TNFRSF13B: variants seen among roughly 807,000 people sequenced by gnomAD.
The protein encoded by TNFRSF13B is tumor necrosis factor receptor superfamily member 13B.
A neutral mutation model predicts 24.0 loss-of-function variants in TNFRSF13B; 34 were observed. That is an observed-to-expected ratio of 1.41 (90% CI 1.08 to 1.88). The LOEUF (loss-of-function observed/expected upper bound fraction) is 1.88, where lower values mean the gene tolerates loss of function less well. Among genes scored for constraint, TNFRSF13B ranks in the 40% most tolerant of loss-of-function variants. TNFRSF13B has a pLI of 0.00. For missense variants in TNFRSF13B, 415 were observed against 380.8 expected (o/e 1.09, Z -0.75); for synonymous variants, 173 against 150.3 (o/e 1.15, Z -1.10).
At chr17:16,966,360 G>A (rs1334688231) in intron 1 of TNFRSF13B, among the ~76,000 whole-genome samples, 4 of 151,402 alleles carry the variant, frequency 2.6e-5, no homozygotes, top group Non-Finnish European at 4.4e-5. Flanking sequence ...TGAAAAACAG[G>A]CACAAAACCT....
intron 2 of TNFRSF13B, among the ~76,000 whole-genome samples, chr17:16,950,784 G>T (rs1002996401): frequency 2.0e-5 from 3 of 151,888 alleles, no homozygotes; most frequent in African/African-American, 7.3e-5. Flanking sequence ...CCCCGCCTGG[G>T]ACTCAGTCCT....
intron 1 of TNFRSF13B, among the ~76,000 whole-genome samples, chr17:16,958,141 C>T (rs142865968): frequency 2.0e-5 from 3 of 151,904 alleles, no homozygotes; most frequent in African/African-American, 7.2e-5. Context: ...GCTCTTATGA[C>T]CTACCGAAAC....
Position 16,948,910 on chromosome 17 carries a change from G to A in TNFRSF13B, c.273C>T (p.Ser91=). Residue 91 remains serine, a synonymous_variant, in exon 3 of 5, where the codon TCC becomes TCT. Coordinates refer to ENST00000261652, the MANE Select transcript of TNFRSF13B (RefSeq NM_012452.3). ...HLLRDCISCA[S]ICGQHPKQCA... is the part of the protein sequence containing the mutation. The stretch of plus-strand genomic sequence containing the variant: ...ATTGCTTAGGGTGCTGTCCACAGAT[G>A]GAGGCACAGCTGATGCAGTCCCTCA... The A allele has an allele frequency of 6.2e-7, 1 of 1,614,216 alleles. No individual in the cohort carries two copies. Among genetic ancestry groups the A allele is most frequent in the Non-Finnish European group, 8.5e-7 (1 of 1,180,046 alleles).
chr17:16,953,226 C>A (rs536804578), intron 1 of TNFRSF13B, among the ~76,000 whole-genome samples: 1 of 152,328 alleles, frequency 6.6e-6, no homozygotes, highest in Middle Eastern at 3.4e-3. Flanking sequence ...GTACTTAGGA[C>A]ACAGCACCTG....
intron 1 of TNFRSF13B, among the ~76,000 whole-genome samples, chr17:16,964,120 G>T (rs2087682847): frequency 6.6e-6 from 1 of 151,898 alleles, no homozygotes; most frequent in African/African-American, 2.4e-5. Context: ...AGGAGAAGAA[G>T]GGAAAAAGAA....
intron 3 of TNFRSF13B, among the ~76,000 whole-genome samples, chr17:16,947,731 C>T (rs949447818): frequency 1.4e-4 from 22 of 152,170 alleles, no homozygotes; most frequent in Non-Finnish European, 3.1e-4. Context: ...GAAAAGGGAA[C>T]GCTTATACGC....
chr17:16,940,855 T>C, intron 3 of TNFRSF13B: 1 of 1,215,030 alleles, frequency 8.2e-7, no homozygotes, highest in South Asian at 1.8e-5. Flanking sequence ...AGCATGTCTC[T>C]GTGCATCCTG....
intron 1 of TNFRSF13B, among the ~76,000 whole-genome samples, chr17:16,963,394 G>T (rs1304191954): frequency 6.6e-6 from 1 of 152,200 alleles, no homozygotes; most frequent in African/African-American, 2.4e-5. Flanking sequence ...CTGTGCAGGA[G>T]TGAAGGAGCA....
chr17:16,941,528 C>T, intron 3 of TNFRSF13B: 5 of 987,600 alleles, frequency 5.1e-6, no homozygotes, highest in Non-Finnish European at 4.8e-6. Context: ...TCAAGAAGAG[C>T]GAGTCCCACT....
chr17:16,968,671 G>A (rs768028651), intron 1 of TNFRSF13B, among the ~76,000 whole-genome samples: 7 of 152,214 alleles, frequency 4.6e-5, no homozygotes, highest in South Asian at 2.1e-4. Context: ...CCAAATGTGC[G>A]TGTGATAGAA....
intron 1 of TNFRSF13B, among the ~76,000 whole-genome samples, chr17:16,958,480 C>A (rs1010540369): frequency 6.6e-6 from 1 of 151,166 alleles, no homozygotes; most frequent in African/African-American, 2.4e-5. Flanking sequence ...GTATAAGAGA[C>A]TTACTTTAGA....
Position 16,940,475 on chromosome 17 carries a change from G to A in TNFRSF13B, c.482C>T (p.Ala161Val). 1 of 1,613,706 alleles carries A rather than the reference G, an allele frequency of 6.2e-7. No individual in the cohort carries two copies. Among genetic ancestry groups the A allele is most frequent in the South Asian group, 1.1e-5 (1 of 91,074 alleles). The change falls in exon 4 of 5, where the codon GCC becomes GTC. Residue 161 changes from alanine to valine, a missense_variant. Physicochemically the swap from Ala to Val is moderately conservative, Grantham distance 64. Transcript: ENST00000261652. ...GAGCCCCAGCGTGCTGTAGACCAGGGCCACCTGATCTGCACTCAGCTTCAG... is the reference window on the plus strand; with the variant it reads ...GAGCCCCAGCGTGCTGTAGACCAGGACCACCTGATCTGCACTCAGCTTCAG... ...PGLKLSADQVALVYSTLGLCL... is the reference protein window; with the variant it reads ...PGLKLSADQVVLVYSTLGLCL...
chr17:16,958,501 A>G (rs2087639728), intron 1 of TNFRSF13B, among the ~76,000 whole-genome samples: 1 of 151,918 alleles, frequency 6.6e-6, no homozygotes, highest in Non-Finnish European at 1.5e-5. Flanking sequence ...TTAAAAAAAA[A>G]TACAAAGCCA....
chr17:16,962,735 G>A (rs2087671516), intron 1 of TNFRSF13B, among the ~76,000 whole-genome samples: 1 of 152,094 alleles, frequency 6.6e-6, no homozygotes, highest in Admixed American at 6.5e-5. Flanking sequence ...AGGCTTTCTA[G>A]GAGAGAGCAA....
chr17:16,966,675 C>A (rs1303249788), intron 1 of TNFRSF13B, among the ~76,000 whole-genome samples: 1 of 151,780 alleles, frequency 6.6e-6, no homozygotes, highest in Admixed American at 6.6e-5. Flanking sequence ...CAACATTTGT[C>A]AAAATTACTG....
Position 16,948,826 on chromosome 17 carries a change from CCTGAGCT to C in TNFRSF13B, c.350_356del (p.Glu117GlyfsTer35), listed in dbSNP as rs1293048695. On this transcript the variant is annotated frameshift_variant, in exon 3 of 5. Coordinates refer to ENST00000261652, the MANE Select transcript of TNFRSF13B (RefSeq NM_012452.3). LOFTEE classifies it high-confidence loss of function. ...TTTCAACTTCTCCACTCCGCTGTCT[CCTGAGCT>C]CTGGTGGAAGGTTCACTGGGCTCCT... 10 of 1,614,108 alleles carry C rather than the reference CCTGAGCT, an allele frequency of 6.2e-6. No homozygotes were observed. The highest frequency in any genetic ancestry group is 8.5e-6 in the Non-Finnish European group (10 of 1,180,054).
At position 16,948,876 on chromosome 17, in the gene TNFRSF13B, A is replaced by AGTAT; in HGVS notation, c.303_306dup (p.Phe103IlefsTer4). The AGTAT allele has an allele frequency of 1.2e-6, 2 of 1,614,200 alleles. No homozygotes were observed. The highest frequency in any genetic ancestry group is 1.7e-6 in the Non-Finnish European group (2 of 1,180,024). ...GGGCTCCTGAGCTTGTTCTCACAGAAGTATGCACATTGCTTAGGGTGCTGT... is the reference window on the plus strand; with the variant it reads ...GGGCTCCTGAGCTTGTTCTCACAGAAGTATGTATGCACATTGCTTAGGGTGCTGT... On this transcript the variant is annotated frameshift_variant, in exon 3 of 5. Coordinates refer to ENST00000261652, the MANE Select transcript of TNFRSF13B (RefSeq NM_012452.3). LOFTEE classifies it high-confidence loss of function.
chr17:16,939,763 T>G lies in TNFRSF13B; in HGVS notation c.666A>C (p.Thr222=), dbSNP rs1230561385. The change falls in exon 5 of 5, where the codon ACA becomes ACC. Residue 222 remains threonine, a synonymous_variant. Coordinates refer to ENST00000261652, the MANE Select transcript of TNFRSF13B (RefSeq NM_012452.3). ...TGCAGGTCTCCACTGGCTCGGGGGATGTGCTCACAGGGCTGCCGGCTTCCA... is the reference window on the plus strand; with the variant it reads ...TGCAGGTCTCCACTGGCTCGGGGGAGGTGCTCACAGGGCTGCCGGCTTCCA... ...HAMEAGSPVS[T]SPEPVETCSF... 1.2e-6 allele frequency: 2 copies of G among 1,611,306 alleles called. No individual in the cohort carries two copies. The highest frequency in any genetic ancestry group is 1.7e-5 in the Admixed American group (1 of 59,850).
intron 3 of TNFRSF13B, among the ~76,000 whole-genome samples, chr17:16,944,333 TC>T (rs1201668294): frequency 2.0e-5 from 3 of 152,138 alleles, no homozygotes; most frequent in Non-Finnish European, 2.9e-5. Context: ...AATGAGCAGT[TC>T]CAGCGCACAG....
Sources: allele counts gnomAD v4.1 joint callset (sites outside exome capture counted in the v4.1 genomes callset), GRCh38; gene constraint gnomAD v4.1.1; transcripts MANE v1.5; gene names NCBI Gene and HGNC (gene_info 2026-07-23, HGNC 2026-07-21).